Variants in NBEA observed in about 807,000 individuals in gnomAD.
NBEA encodes lysosomal-trafficking regulator 2.
NBEA carries 44 observed loss-of-function variants against 343.4 expected under a neutral mutation model. That is an observed-to-expected ratio of 0.13 (90% CI 0.10 to 0.16). The LOEUF (loss-of-function observed/expected upper bound fraction) is 0.16. Among genes scored for constraint, NBEA ranks in the 10% least tolerant of loss-of-function variants. NBEA has a pLI of 1.00. For missense variants in NBEA, 2,555 were observed against 3,631.3 expected (o/e 0.70, Z 7.62); for synonymous variants, 1,175 against 1,238.7 (o/e 0.95, Z 1.08).
In NBEA at chr13:35,300,752, T is replaced by C. The variant is rs190708514; in HGVS notation, c.5839-8776T>C. Reference sequence around the variant, plus strand: ...TTGTCATAGGTATTGCACTTTTCCATAGGAGTCAGGCCTAAAAATTCATCG... The same window carrying C: ...TTGTCATAGGTATTGCACTTTTCCACAGGAGTCAGGCCTAAAAATTCATCG... On this transcript the variant is annotated intron_variant, in intron 35 of 58. Coordinates refer to ENST00000379939, the MANE Select transcript of NBEA (RefSeq NM_001385012.1). 6.4e-3 allele frequency among the ~76,000 whole-genome samples: 978 copies of C among 152,308 alleles called. 6 individuals carry two copies. The highest frequency in any genetic ancestry group is 8.6e-3 in the Non-Finnish European group (585 of 68,010).
At chr13:35,045,174 G>A (rs1478476887) in intron 3 of NBEA, 127 bp downstream of exon 3, 2 of 1,200,442 alleles carry the variant, frequency 1.7e-6, no homozygotes, top group East Asian at 2.6e-5. Flanking sequence ...AAATGATTTA[G>A]TAAATGTTTT....
intron 44 of NBEA, among the ~76,000 whole-genome samples, chr13:35,562,814 A>G (rs981295772): frequency 2.0e-5 from 3 of 152,076 alleles, no homozygotes; most frequent in East Asian, 1.9e-4. Flanking sequence ...AGATGCTGCC[A>G]TCATCTAATT....
At chr13:35,085,810 A>T (rs1372935849) in intron 10 of NBEA, among the ~76,000 whole-genome samples, 1 of 152,178 alleles carries the variant, frequency 6.6e-6, no homozygotes, top group African/African-American at 2.4e-5. Flanking sequence ...TTTGCAGATG[A>T]CATGATTGTA....
chr13:35,360,699 G>T (rs1462765636), intron 38 of NBEA, among the ~76,000 whole-genome samples: 2 of 151,988 alleles, frequency 1.3e-5, no homozygotes, highest in Non-Finnish European at 2.9e-5. Flanking sequence ...TCCATCACCT[G>T]AAATGAAATA....
In NBEA at chr13:35,085,255, C is replaced by G. The variant is rs1398767402; in HGVS notation, c.1572-13042C>G. 3.9e-5 allele frequency among the ~76,000 whole-genome samples: 6 copies of G among 152,058 alleles called. No individual in the cohort carries two copies. In the East Asian group the frequency reaches 1.2e-3, roughly 29 times the overall value. On this transcript the variant is annotated intron_variant, in intron 10 of 58. Coordinates refer to ENST00000379939, the MANE Select transcript of NBEA (RefSeq NM_001385012.1). ...TTATGAGGCCAGCATCATCCTGATACCAAAGCCTGGCAGAGACACAACCAA... is the reference window on the plus strand; with the variant it reads ...TTATGAGGCCAGCATCATCCTGATAGCAAAGCCTGGCAGAGACACAACCAA...
intron 1 of NBEA, among the ~76,000 whole-genome samples, chr13:35,032,663 G>A (rs2062277627): frequency 6.6e-6 from 1 of 151,488 alleles, no homozygotes; most frequent in African/African-American, 2.4e-5. Flanking sequence ...TTTTGCCAGT[G>A]TTTATTATGC....
At chr13:35,567,537 A>G (rs2080190383) in intron 45 of NBEA, among the ~76,000 whole-genome samples, 1 of 152,214 alleles carries the variant, frequency 6.6e-6, no homozygotes, top group African/African-American at 2.4e-5. Flanking sequence ...TTATTAGCTC[A>G]CCTCATTTGT....
intron 17 of NBEA, among the ~76,000 whole-genome samples, chr13:35,139,749 T>TTG (rs1425092423): frequency 3.6e-5 from 5 of 139,722 alleles, no homozygotes; most frequent in South Asian, 2.3e-4. Context: ...ATGGCGTTTT[T>TTG]TTTTTTTTTT....
Position 35,572,813 on chromosome 13 carries a change from A to G in NBEA, c.7035+5796A>G, listed in dbSNP as rs143018165. Among the ~76,000 whole-genome samples, 300 of 152,198 alleles carry G rather than the reference A, an allele frequency of 2.0e-3. 1 individual carries two copies. Among genetic ancestry groups the G allele is most frequent in the Non-Finnish European group, 3.1e-3 (213 of 68,018 alleles). Reference sequence around the variant, plus strand: ...CAGTGGCATGATCTTGGCTCACTACAATCTCAACTAGAGCAAGTTTCTGTG... The same window carrying G: ...CAGTGGCATGATCTTGGCTCACTACGATCTCAACTAGAGCAAGTTTCTGTG... On this transcript the variant is annotated intron_variant, in intron 45 of 58. Transcript: ENST00000379939.
At chr13:35,442,283 T>C (rs2045783214) in intron 39 of NBEA, among the ~76,000 whole-genome samples, 1 of 152,170 alleles carries the variant, frequency 6.6e-6, no homozygotes, top group Admixed American at 6.6e-5. Context: ...CTTTATGATA[T>C]TTAGAGAGTT....
At chr13:35,076,662 T>C (rs1348984337) in intron 10 of NBEA, among the ~76,000 whole-genome samples, 1 of 152,088 alleles carries the variant, frequency 6.6e-6, no homozygotes, top group Non-Finnish European at 1.5e-5. Context: ...AGGCACCTTT[T>C]TGGCAATAAG....
At chr13:35,409,639 T>A (rs982775791) in intron 38 of NBEA, among the ~76,000 whole-genome samples, 2 of 152,178 alleles carry the variant, frequency 1.3e-5, no homozygotes, top group Non-Finnish European at 2.9e-5. Context: ...TTTAACCAAA[T>A]GGTTCTACCT....
chr13:34,966,337 C>T (rs2152495256), intron 1 of NBEA, among the ~76,000 whole-genome samples: 1 of 152,120 alleles, frequency 6.6e-6, no homozygotes, highest in South Asian at 2.1e-4. Flanking sequence ...AGAGCACAGC[C>T]TCTTCTGTAG....
intron 44 of NBEA, among the ~76,000 whole-genome samples, chr13:35,557,543 A>T (rs1183023781): frequency 6.6e-6 from 1 of 152,096 alleles, no homozygotes; most frequent in Non-Finnish European, 1.5e-5. Flanking sequence ...TGAATCGTTG[A>T]AGTCTGTTTT....
At chr13:35,167,190 A>G (rs1318642829) in intron 24 of NBEA, among the ~76,000 whole-genome samples, 2 of 152,170 alleles carry the variant, frequency 1.3e-5, no homozygotes, top group African/African-American at 4.8e-5. Context: ...TATCTGTCAC[A>G]GCTAGTCAAC....
chr13:35,078,486 C>T (rs1566249232), intron 10 of NBEA, among the ~76,000 whole-genome samples: 2 of 152,140 alleles, frequency 1.3e-5, no homozygotes, highest in Non-Finnish European at 2.9e-5. Context: ...TACAATTGCT[C>T]TTGTAGCTTC....
At chr13:35,649,606 A>G (rs201537905) in intron 51 of NBEA, 49 bp from the exon 52 acceptor site, 9 of 1,474,160 alleles carry the variant, frequency 6.1e-6, no homozygotes, top group African/African-American at 2.8e-5. Context: ...TTCACTAACT[A>G]TGTTATTCCT....
intron 37 of NBEA, among the ~76,000 whole-genome samples, chr13:35,349,756 A>G (rs1199474380): frequency 4.6e-5 from 7 of 152,056 alleles, no homozygotes; most frequent in Admixed American, 4.6e-4. Context: ...TATTCTCCTG[A>G]TACAACAGGC....
chr13:35,059,407 A>G, intron 8 of NBEA, among the ~76,000 whole-genome samples: 1 of 151,888 alleles, frequency 6.6e-6, no homozygotes, highest in Non-Finnish European at 1.5e-5. Context: ...TTTAAACTTT[A>G]AAAACAAAGA....
Sources: allele counts gnomAD v4.1 joint callset (sites outside exome capture counted in the v4.1 genomes callset), GRCh38; gene constraint gnomAD v4.1.1; transcripts MANE v1.5; gene names NCBI Gene and HGNC (gene_info 2026-07-23, HGNC 2026-07-21).